CLSTN2: variants seen among roughly 807,000 people sequenced by gnomAD.
CLSTN2 encodes the protein calsyntenin 2, also known as calsyntenin-2.
Under a neutral mutation model 101.2 loss-of-function variants are expected in CLSTN2, and 48 were observed. That is an observed-to-expected ratio of 0.47 (90% CI 0.38 to 0.60). The LOEUF is 0.60. CLSTN2 is among the 20% of genes least tolerant of loss of function. CLSTN2 has a pLI of 0.00. For missense variants in CLSTN2, 1,160 were observed against 1,238.2 expected, an observed-to-expected ratio of 0.94 and a Z score of 0.95; for synonymous variants, 481 against 463.6, an observed-to-expected ratio of 1.04 and a Z score of -0.48.
chr3:140,354,288 G>A (rs560484398), intron 2 of CLSTN2, among the ~76,000 whole-genome samples: 1 of 152,214 alleles, frequency 6.6e-6, no homozygotes, highest in Admixed American at 6.5e-5. Flanking sequence ...ACTCCACCTG[G>A]GAGTGCACCT....
chr3:140,193,547 G>A (rs1189765114), intron 2 of CLSTN2, among the ~76,000 whole-genome samples: 1 of 150,960 alleles, frequency 6.6e-6, no homozygotes, highest in Admixed American at 6.6e-5. Flanking sequence ...TTTTACTATA[G>A]GTAAGGTACC....
At chr3:139,953,131 A>T (rs1467021593) in intron 1 of CLSTN2, among the ~76,000 whole-genome samples, 1 of 152,150 alleles carries the variant, frequency 6.6e-6, no homozygotes, top group African/African-American at 2.4e-5. Context: ...GTTCAACCTC[A>T]TAGCTGGCCT....
intron 1 of CLSTN2, among the ~76,000 whole-genome samples, chr3:139,967,625 A>C (rs1479179362): frequency 6.6e-6 from 1 of 152,184 alleles, no homozygotes; most frequent in Non-Finnish European, 1.5e-5. Context: ...TGTTTCCAAG[A>C]CTATGATACC....
chr3:140,333,451 C>A (rs2087407952), intron 2 of CLSTN2, among the ~76,000 whole-genome samples: 1 of 152,122 alleles, frequency 6.6e-6, no homozygotes, highest in Admixed American at 6.5e-5. Context: ...GCTCTCCACT[C>A]TAGAAAATAA....
chr3:140,476,783 C>T (rs980658324), intron 8 of CLSTN2, among the ~76,000 whole-genome samples: 4 of 151,842 alleles, frequency 2.6e-5, no homozygotes, highest in Non-Finnish European at 4.4e-5. Flanking sequence ...CTTAGCCTCC[C>T]GAGTAGCTGG....
intron 1 of CLSTN2, among the ~76,000 whole-genome samples, chr3:140,159,697 A>C (rs1170688335): frequency 3.3e-5 from 5 of 152,168 alleles, no homozygotes; most frequent in Admixed American, 3.3e-4. Context: ...TCATTCTACC[A>C]AAAAGACACA....
rs768017837 is a variant in CLSTN2 at position 140,574,576 on chromosome 3, G to A, written c.*8323G>A. On this transcript the variant is annotated 3_prime_UTR_variant, in exon 17 of 17. Coordinates refer to ENST00000458420, the MANE Select transcript of CLSTN2 (RefSeq NM_022131.3). ...GTAGACTAATGAAAAGAGGGCAACA[G>A]ACTTGAGAAGAGCCAAAATGCAGAC... is the stretch of plus-strand genomic sequence containing the variant. The A allele has an allele frequency of 6.6e-6, 1 of 152,242 alleles. No homozygotes were observed. Among genetic ancestry groups the A allele is most frequent in the Admixed American group, 6.5e-5 (1 of 15,290 alleles). 9.4% of individuals were successfully genotyped at this position (152,242 alleles called of 1,614,324 possible).
At chr3:140,006,353 C>G (rs1269991125) in intron 1 of CLSTN2, among the ~76,000 whole-genome samples, 1 of 152,166 alleles carries the variant, frequency 6.6e-6, no homozygotes, top group Non-Finnish European at 1.5e-5. Context: ...ATGAAAAATT[C>G]AAAGCCTGGG....
chr3:140,566,934 G>A lies in CLSTN2; in HGVS notation c.*681G>A, dbSNP rs996847907. On this transcript the variant is annotated 3_prime_UTR_variant, in exon 17 of 17. Transcript: ENST00000458420. The stretch of plus-strand genomic sequence containing the variant: ...GAATAGGTCCTTGGCCACAAGCAGG[G>A]TCTGATCCCCCATCAGAGCTATCTG... 2 of 152,544 alleles carry A rather than the reference G, an allele frequency of 1.3e-5. No homozygotes were observed. The highest frequency in any genetic ancestry group is 6.5e-5 in the Admixed American group (1 of 15,314). 9.4% of individuals were successfully genotyped at this position (152,544 alleles called of 1,614,324 possible).
intron 2 of CLSTN2, among the ~76,000 whole-genome samples, chr3:140,186,917 T>TA (rs1389032410): frequency 6.6e-6 from 1 of 152,016 alleles, no homozygotes; most frequent in East Asian, 1.9e-4. Context: ...AGCAAGGAGT[T>TA]AAAAAAACAA....
intron 2 of CLSTN2, among the ~76,000 whole-genome samples, chr3:140,201,820 GTA>G (rs1576465176): frequency 6.6e-6 from 1 of 151,332 alleles, no homozygotes; most frequent in Non-Finnish European, 1.5e-5. Flanking sequence ...ATGTGTGTGT[GTA>G]TGTGTGTGTG....
chr3:140,174,619 A>G (rs1255818898), intron 1 of CLSTN2, among the ~76,000 whole-genome samples: 1 of 152,118 alleles, frequency 6.6e-6, no homozygotes, highest in Non-Finnish European at 1.5e-5. Context: ...ACCTCTTACC[A>G]TCCTGTCTTA....
chr3:140,482,160 C>T (rs926613807), intron 8 of CLSTN2, among the ~76,000 whole-genome samples: 8 of 151,990 alleles, frequency 5.3e-5, no homozygotes, highest in Non-Finnish European at 1.0e-4. Context: ...CAGCATGAAG[C>T]GTTGTTGAAT....
intron 8 of CLSTN2, among the ~76,000 whole-genome samples, chr3:140,511,387 A>G (rs1934810992): frequency 6.6e-6 from 1 of 152,132 alleles, no homozygotes; most frequent in Non-Finnish European, 1.5e-5. Flanking sequence ...CATATGCAGT[A>G]ATGAAATTGC....
chr3:140,337,068 G>A (rs1223342476), intron 2 of CLSTN2, among the ~76,000 whole-genome samples: 1 of 152,176 alleles, frequency 6.6e-6, no homozygotes, highest in African/African-American at 2.4e-5. Flanking sequence ...TGGATTACAG[G>A]ATCCAGATTT....
At chr3:140,098,097 A>G (rs2008902134) in intron 1 of CLSTN2, among the ~76,000 whole-genome samples, 2 of 152,168 alleles carry the variant, frequency 1.3e-5, no homozygotes, top group Non-Finnish European at 2.9e-5. Flanking sequence ...TGTAGAGTGA[A>G]GAAGCAGAGA....
At chr3:140,282,242 A>G (rs1472698394) in intron 2 of CLSTN2, among the ~76,000 whole-genome samples, 2 of 152,098 alleles carry the variant, frequency 1.3e-5, no homozygotes, top group East Asian at 1.9e-4. Context: ...TCCACTCTCA[A>G]CTTCTCAGGG....
chr3:140,043,655 T>C (rs1219361832), intron 1 of CLSTN2, among the ~76,000 whole-genome samples: 2 of 152,234 alleles, frequency 1.3e-5, no homozygotes, highest in Non-Finnish European at 2.9e-5. Context: ...TTTATGGTTT[T>C]AGGTCTAACA....
At chr3:140,301,313 ATAAT>A (rs1397628877) in intron 2 of CLSTN2, among the ~76,000 whole-genome samples, 8 of 152,336 alleles carry the variant, frequency 5.3e-5, no homozygotes, top group Middle Eastern at 3.4e-3. Context: ...TGTATTTTTA[ATAAT>A]TAATAACAAA....
Sources: allele counts gnomAD v4.1 joint callset (sites outside exome capture counted in the v4.1 genomes callset), GRCh38; gene constraint gnomAD v4.1.1; transcripts MANE v1.5; gene names NCBI Gene and HGNC (gene_info 2026-07-23, HGNC 2026-07-21).